Variants in MAPK4 observed in about 807,000 individuals in gnomAD.
MAPK4 encodes mitogen-activated protein kinase 4.
Under a neutral mutation model 47.7 loss-of-function variants are expected in MAPK4, and 22 were observed. The observed-to-expected ratio is 0.46, with a 90% CI of 0.33 to 0.66. MAPK4 has a LOEUF of 0.66. Among genes scored for constraint, MAPK4 ranks in the 30% least tolerant of loss-of-function variants. The pLI is 0.02. For missense variants in MAPK4, 736 were observed against 831.7 expected (o/e 0.88, Z 1.42); for synonymous variants, 390 against 365.7 (o/e 1.07, Z -0.76).
At chr18:50,667,664 A>G (rs1283784035) in intron 2 of MAPK4, among the ~76,000 whole-genome samples, 2 of 152,214 alleles carry the variant, frequency 1.3e-5, no homozygotes, top group African/African-American at 4.8e-5. Context: ...TCCCTGGCTG[A>G]GACAGCCCAG....
At chr18:50,645,193 G>C (rs1568059772) in intron 1 of MAPK4, among the ~76,000 whole-genome samples, 2 of 152,218 alleles carry the variant, frequency 1.3e-5, no homozygotes, top group Admixed American at 6.5e-5. Context: ...GATGAGAGGT[G>C]AATGCCAACG....
intron 1 of MAPK4, among the ~76,000 whole-genome samples, chr18:50,649,043 T>G (rs1487452742): frequency 6.6e-6 from 1 of 152,222 alleles, no homozygotes; most frequent in African/African-American, 2.4e-5. Flanking sequence ...GCGATTTGTT[T>G]TGCTTTTTGT....
intron 2 of MAPK4, among the ~76,000 whole-genome samples, chr18:50,672,009 A>G (rs988987739): frequency 6.6e-6 from 1 of 152,154 alleles, no homozygotes; most frequent in African/African-American, 2.4e-5. Context: ...CCTAAAGCAC[A>G]AATTCTCTCC....
chr18:50,706,109 A>G (rs1910037323), intron 2 of MAPK4: 1 of 152,192 alleles, frequency 6.6e-6, no homozygotes, highest in South Asian at 2.1e-4. Flanking sequence ...GCACATCATA[A>G]TTTCTCAATA....
Position 50,664,088 on chromosome 18 carries a change from C to A in MAPK4, c.130C>A (p.Arg44=). 1 of 1,613,956 alleles carries A rather than the reference C, an allele frequency of 6.2e-7. No homozygotes were observed. Residue 44 remains arginine, a synonymous_variant, in exon 2 of 6, where the codon CGG becomes AGG. Transcript: ENST00000400384. This position sits in a 1 kb window ranked among gnomAD's most constrained non-coding sequence, Gnocchi z 6.0. Reference sequence around the variant, plus strand: ...GTCGGCCGTGGACAGCCGGGCCTGCCGGAAGGTCGCTGTGAAGAAGATTGC... The same window carrying A: ...GTCGGCCGTGGACAGCCGGGCCTGCAGGAAGGTCGCTGTGAAGAAGATTGC... ...VLSAVDSRAC[R]KVAVKKIALS...
At chr18:50,679,974 C>T (rs1908491442) in intron 2 of MAPK4, among the ~76,000 whole-genome samples, 1 of 152,110 alleles carries the variant, frequency 6.6e-6, no homozygotes, top group South Asian at 2.1e-4. Flanking sequence ...TAGATTCCCA[C>T]CAAGGGACCC....
chr18:50,731,225 TCACC>T lies in MAPK4; in HGVS notation c.*1375_*1378del, dbSNP rs756322645. On this transcript the variant is annotated 3_prime_UTR_variant, in exon 6 of 6. Coordinates refer to ENST00000400384, the MANE Select transcript of MAPK4 (RefSeq NM_002747.4). ...GTTTGGTGCATGCAAACCTGTGTGC[TCACC>T]CACAGAGCATGGGGTAATGGTGTGT... 5 of 152,282 alleles carry T rather than the reference TCACC, an allele frequency of 3.3e-5. No individual in the cohort carries two copies. The highest frequency in any genetic ancestry group is 2.0e-4 in the Admixed American group (3 of 15,286). 9.4% of individuals were successfully genotyped at this position (152,282 alleles called of 1,614,324 possible).
At chr18:50,615,201 T>TGG (rs113451737) in intron 1 of MAPK4, among the ~76,000 whole-genome samples, 83 of 151,896 alleles carry the variant, frequency 5.5e-4, no homozygotes, top group African/African-American at 2.0e-3. Context: ...ATAATTGTGT[T>TGG]GGGGGGGGAG....
chr18:50,615,496 A>G (rs2042677056), intron 1 of MAPK4, among the ~76,000 whole-genome samples: 1 of 152,102 alleles, frequency 6.6e-6, no homozygotes, highest in South Asian at 2.1e-4. Context: ...GGAAGGAAAA[A>G]AGGATGAAAG....
At chr18:50,686,699 T>A (rs966688552) in intron 2 of MAPK4, among the ~76,000 whole-genome samples, 2 of 152,362 alleles carry the variant, frequency 1.3e-5, no homozygotes, top group Non-Finnish European at 1.5e-5. Context: ...AGTAAGACTG[T>A]CCTGAAATCC....
At position 50,729,698 on chromosome 18, in the gene MAPK4, G is replaced by A. The variant is rs770124345; in HGVS notation, c.1608G>A (p.Gln536=). The change falls in exon 6 of 6, where the codon CAG becomes CAA. Residue 536 remains glutamine, a synonymous_variant. Transcript: ENST00000400384. ...CGGTGGACGGCGGCGCCAGCCCCCA[G>A]TTCGACCTGGACGTGTTCATCTCCC... ...PAPVDGGASP[Q]FDLDVFISRA... is the part of the protein sequence containing the mutation. 145 of 1,560,474 alleles carry A rather than the reference G, an allele frequency of 9.3e-5. 1 individual carries two copies. Among genetic ancestry groups the A allele is most frequent in the South Asian group, 3.6e-4 (30 of 84,138 alleles).
intron 1 of MAPK4, among the ~76,000 whole-genome samples, chr18:50,595,275 C>A (rs1173590730): frequency 6.6e-6 from 1 of 152,152 alleles, no homozygotes; most frequent in Non-Finnish European, 1.5e-5. Flanking sequence ...TCATAATAAT[C>A]CCAAGTTGAA....
chr18:50,688,517 C>T (rs574476396), intron 2 of MAPK4, among the ~76,000 whole-genome samples: 2 of 152,324 alleles, frequency 1.3e-5, no homozygotes, highest in Admixed American at 1.3e-4. Context: ...AATAAAGAGG[C>T]TTCCCACAGA....
At chr18:50,708,116 C>T (rs994750844) in intron 2 of MAPK4, among the ~76,000 whole-genome samples, 6 of 152,224 alleles carry the variant, frequency 3.9e-5, no homozygotes, top group African/African-American at 1.4e-4. Flanking sequence ...GTCCCTGCTG[C>T]ATGCTTTCCT....
intron 2 of MAPK4, among the ~76,000 whole-genome samples, chr18:50,674,072 G>A (rs1471563945): frequency 6.6e-6 from 1 of 152,038 alleles, no homozygotes; most frequent in African/African-American, 2.4e-5. Context: ...TGAATAATGA[G>A]CTCCTCCTTC....
intron 1 of MAPK4, among the ~76,000 whole-genome samples, chr18:50,577,885 G>A (rs1478645638): frequency 3.3e-5 from 5 of 152,190 alleles, no homozygotes; most frequent in Non-Finnish European, 7.3e-5. Flanking sequence ...AGTGATAGGA[G>A]TGGCACATCT....
intron 1 of MAPK4, among the ~76,000 whole-genome samples, chr18:50,603,767 T>C (rs902436457): frequency 6.6e-6 from 1 of 152,196 alleles, no homozygotes; most frequent in African/African-American, 2.4e-5. Flanking sequence ...TATCAAAGCT[T>C]TGTCTTAACA....
intron 1 of MAPK4, among the ~76,000 whole-genome samples, chr18:50,625,399 CT>C (rs571184265): frequency 1.3e-3 from 201 of 152,274 alleles, no homozygotes; most frequent in African/African-American, 3.8e-3. Flanking sequence ...TTCTCCTTTG[CT>C]GGGTCCTCAG....
rs757297774 is a variant in MAPK4, at chr18:50,729,777, G to C, written c.1687G>C (p.Asp563His). Reference protein sequence around the residue: ...PEDLPDNKLGDLNGACIPEHP... With the variant: ...PEDLPDNKLGHLNGACIPEHP... ...GGACCTGCCGGACAATAAACTGGGC[G>C]ACCTCAATGGTGCGTGCATCCCCGA... Residue 563 changes from aspartate to histidine, a missense_variant, in exon 6 of 6, where the codon GAC becomes CAC. Asp to His is a moderately conservative substitution (Grantham distance 81, BLOSUM62 -1). Transcript: ENST00000400384. 2.3e-5 allele frequency: 37 copies of C among 1,612,058 alleles called. No individual in the cohort carries two copies. The highest frequency in any genetic ancestry group is 3.1e-5 in the Non-Finnish European group (36 of 1,179,686).
Sources: gnomAD v4.1 joint callset for allele counts (sites outside exome capture counted in the v4.1 genomes callset) on GRCh38, gnomAD v4.1.1 for gene constraint, Gnocchi (gnomAD v3.1) non-coding constraint, MANE v1.5 for transcripts, NCBI Gene and HGNC (gene_info 2026-07-23, HGNC 2026-07-21) for gene names.